The following DECR1 variants were observed in gnomAD, a reference collection of about 807,000 sequenced individuals.
DECR1 encodes the protein 2,4-dienoyl-CoA reductase [(3E)-enoyl-CoA-producing], mitochondrial.
DECR1 carries 44 observed loss-of-function variants against 38.8 expected under a neutral mutation model. That is an observed-to-expected ratio of 1.13 (90% CI 0.89 to 1.46). DECR1 has a LOEUF of 1.46. DECR1 is among the 40% of genes most tolerant of loss of function. The probability of loss-of-function intolerance (pLI) is 0.00; values close to 1 mark genes in which losing one functional copy is unlikely to be tolerated. For synonymous variants in DECR1, 148 were observed against 135.2 expected (o/e 1.09, Z -0.66); for missense variants, 428 against 405.5 (o/e 1.06, Z -0.48).
intron 1 of DECR1, among the ~76,000 whole-genome samples, chr8:90,006,775 A>C (rs1289512396): frequency 7.9e-5 from 12 of 152,208 alleles, no homozygotes; most frequent in Admixed American, 7.9e-4. Flanking sequence ...CAAACATCCA[A>C]ACACCAGTGA....
intron 8 of DECR1, among the ~76,000 whole-genome samples, chr8:90,051,022 C>A (rs11778638): frequency 4.6e-5 from 7 of 151,668 alleles, no homozygotes; most frequent in African/African-American, 1.7e-4. Context: ...GGGGGCCCGT[C>A]GTGGGGTGGG....
chr8:90,006,731 C>T (rs1209402494), intron 1 of DECR1, among the ~76,000 whole-genome samples: 1 of 152,136 alleles, frequency 6.6e-6, no homozygotes, highest in African/African-American at 2.4e-5. Context: ...AGCAGAAATA[C>T]GATATCATCA....
chr8:90,051,686 T>G lies in DECR1; in HGVS notation c.895T>G (p.Phe299Val). Residue 299 changes from phenylalanine (F) to valine (V), a missense_variant, in exon 9 of 10, where the codon TTT becomes GTT. Transcript: ENST00000220764. Reference protein sequence around the residue: ...ASWINGAVIKFDGGEEVLISG... With the variant: ...ASWINGAVIKVDGGEEVLISG... ...AATTTGTTTTTTCCAGGTCATTAAA[T>G]TTGACGGTGGAGAGGAAGTACTTAT... is the stretch of plus-strand genomic sequence containing the variant. The G allele has an allele frequency of 2.5e-6, 4 of 1,611,856 alleles. No individual in the cohort carries two copies. The highest frequency in any genetic ancestry group is 3.4e-6 in the Non-Finnish European group (4 of 1,179,738).
At chr8:90,018,533 GT>G (rs11329386) in intron 2 of DECR1, 10,514 of 155,594 alleles carry the variant, frequency 0.068, 600 homozygotes, top group African/African-American at 0.15. Flanking sequence ...TCTATTCATA[GT>G]TTTTTTTGTA....
At chr8:90,010,752 G>A (rs1204981198) in intron 1 of DECR1, among the ~76,000 whole-genome samples, 1 of 152,140 alleles carries the variant, frequency 6.6e-6, no homozygotes, top group African/African-American at 2.4e-5. Flanking sequence ...AATAGATGTG[G>A]AAATATTTCA....
chr8:90,001,936 G>A (rs1444002362), intron 1 of DECR1, among the ~76,000 whole-genome samples: 1 of 152,004 alleles, frequency 6.6e-6, no homozygotes, highest in South Asian at 2.1e-4. Flanking sequence ...GCGTCCCTGG[G>A]GCTCAGGGAG....
intron 5 of DECR1, among the ~76,000 whole-genome samples, chr8:90,030,785 T>G (rs1365680168): frequency 6.6e-6 from 1 of 152,176 alleles, no homozygotes. Flanking sequence ...TGTTTTTTTC[T>G]AGAACAGTGG....
At chr8:90,002,858 A>G (rs1812650383) in intron 1 of DECR1, among the ~76,000 whole-genome samples, 1 of 152,158 alleles carries the variant, frequency 6.6e-6, no homozygotes, top group African/African-American at 2.4e-5. Context: ...TTTCAGAGAC[A>G]TTTCTCATTT....
Position 90,051,907 on chromosome 8 carries a change from G to C in DECR1, c.*10G>C. On this transcript the variant is annotated 3_prime_UTR_variant, in exon 10 of 10. Coordinates refer to ENST00000220764, the MANE Select transcript of DECR1 (RefSeq NM_001359.2). ...GACAAAAGGTTCCTAAGACCACTTTGGCCTTCATCTTGGTTACAGAAAAGG... is the reference window on the plus strand; with the variant it reads ...GACAAAAGGTTCCTAAGACCACTTTCGCCTTCATCTTGGTTACAGAAAAGG... 1 of 1,612,830 alleles carries C rather than the reference G, an allele frequency of 6.2e-7. No homozygotes were observed. Among genetic ancestry groups the C allele is most frequent in the Non-Finnish European group, 8.5e-7 (1 of 1,179,228 alleles).
chr8:90,039,890 T>A (rs1183730146), intron 6 of DECR1, among the ~76,000 whole-genome samples: 1 of 152,230 alleles, frequency 6.6e-6, no homozygotes, highest in Non-Finnish European at 1.5e-5. Flanking sequence ...ATGGTAAGTA[T>A]ATAATAAACA....
At chr8:90,051,600 G>A in intron 8 of DECR1, 77 bp from the exon 9 acceptor site, 1 of 1,133,174 alleles carries the variant, frequency 8.8e-7, no homozygotes, top group Non-Finnish European at 1.3e-6. Context: ...CATCCAATTA[G>A]TATGGGAAAA....
chr8:90,053,199 G>T lies in DECR1; in HGVS notation c.*1302G>T, dbSNP rs1814138341. On this transcript the variant is annotated 3_prime_UTR_variant, in exon 10 of 10. Coordinates refer to ENST00000220764, the MANE Select transcript of DECR1 (RefSeq NM_001359.2). ...TAGTACTAATCCTGTGTATTAGTCT[G>T]TTCTCATGCTGCTAATAAAGACATA... Among the ~76,000 whole-genome samples the T allele has an allele frequency of 1.3e-5, 2 of 152,034 alleles. No homozygotes were observed. Among genetic ancestry groups the T allele is most frequent in the African/African-American group, 4.8e-5 (2 of 41,390 alleles).
Position 90,021,019 on chromosome 8 carries a change from A to T in DECR1, c.528A>T (p.Thr176=). 1 of 1,592,692 alleles carries T rather than the reference A, an allele frequency of 6.3e-7. No homozygotes were observed. Reference sequence around the variant, plus strand: ...TTCTAAATGGCACAGCCTTCGTGACACTAGAAATTGGAAAACAACTAATTA... The same window carrying T: ...TTCTAAATGGCACAGCCTTCGTGACTCTAGAAATTGGAAAACAACTAATTA... ...DIVLNGTAFV[T]LEIGKQLIKA... The change falls in exon 5 of 10, where the codon ACA becomes ACT. Residue 176 remains threonine (T), a synonymous_variant. Coordinates refer to ENST00000220764, the MANE Select transcript of DECR1 (RefSeq NM_001359.2).
rs1814137633 is a variant in DECR1, at chr8:90,053,173, T to G, written c.*1276T>G. Among the ~76,000 whole-genome samples the G allele has an allele frequency of 1.3e-5, 2 of 152,160 alleles. No homozygotes were observed. The highest frequency in any genetic ancestry group is 1.3e-4 in the Admixed American group (2 of 15,272). On this transcript the variant is annotated 3_prime_UTR_variant, in exon 10 of 10. Transcript: ENST00000220764. ...CAGGTACCTAGTCTCCATTTTACCTTTAGTACTAATCCTGTGTATTAGTCT... is the reference window on the plus strand; with the variant it reads ...CAGGTACCTAGTCTCCATTTTACCTGTAGTACTAATCCTGTGTATTAGTCT...
chr8:90,017,324 C>A lies in DECR1; in HGVS notation c.270C>A (p.Ser90Arg). 1 of 1,612,954 alleles carries A rather than the reference C, an allele frequency of 6.2e-7. No individual in the cohort carries two copies. Among genetic ancestry groups the A allele is most frequent in the Non-Finnish European group, 8.5e-7 (1 of 1,179,484 alleles). ...SSLGAQCVIA[S>R]RKMDVLKATA... ...TAGGTGCTCAGTGCGTGATAGCCAGCCGGTAAGTCCCTTACATCAAGCCTA... is the reference window on the plus strand; with the variant it reads ...TAGGTGCTCAGTGCGTGATAGCCAGACGGTAAGTCCCTTACATCAAGCCTA... The change falls in exon 2 of 10, where the codon AGC becomes AGA. Residue 90 changes from serine (S) to arginine (R), a missense_variant and splice_region_variant. Transcript: ENST00000220764.
intron 5 of DECR1, among the ~76,000 whole-genome samples, chr8:90,032,460 T>A (rs1288704636): frequency 6.6e-6 from 1 of 152,174 alleles, no homozygotes; most frequent in Non-Finnish European, 1.5e-5. Context: ...TAGACTGTGT[T>A]ACTTGGATAA....
At chr8:90,045,876 A>G (rs1366912970) in intron 8 of DECR1, among the ~76,000 whole-genome samples, 1 of 152,168 alleles carries the variant, frequency 6.6e-6, no homozygotes, top group Non-Finnish European at 1.5e-5. Context: ...CCATTCTACA[A>G]TATTTGCTGT....
rs118000366 is a variant in DECR1 at position 90,029,954 on chromosome 8, A to T, written c.566-6887A>T. Among the ~76,000 whole-genome samples, 230 of 152,212 alleles carry T rather than the reference A, an allele frequency of 1.5e-3. 4 individuals carry two copies. Among genetic ancestry groups the T allele is most frequent in the Non-Finnish European group, 2.6e-3 (178 of 68,002 alleles). ...ATTACCAGTTCAGGGGCTAGCATGCATACTTTAGCACAGTGGTCCCCAGCC... is the reference window on the plus strand; with the variant it reads ...ATTACCAGTTCAGGGGCTAGCATGCTTACTTTAGCACAGTGGTCCCCAGCC... On this transcript the variant is annotated intron_variant, in intron 5 of 9. Coordinates refer to ENST00000220764, the MANE Select transcript of DECR1 (RefSeq NM_001359.2).
At chr8:90,021,401 G>A (rs910268556) in intron 5 of DECR1, among the ~76,000 whole-genome samples, 1 of 152,096 alleles carries the variant, frequency 6.6e-6, no homozygotes, top group East Asian at 1.9e-4. Flanking sequence ...GAGGCCTGGT[G>A]GAGAGGAGGA....
Sources: allele counts gnomAD v4.1 joint callset (sites outside exome capture counted in the v4.1 genomes callset), GRCh38; gene constraint gnomAD v4.1.1; transcripts MANE v1.5; gene names NCBI Gene and HGNC (gene_info 2026-07-23, HGNC 2026-07-21).